Variants in UBE2W observed in about 807,000 individuals in gnomAD.
The protein encoded by UBE2W is ubiquitin-conjugating enzyme E2 W.
UBE2W carries 18 observed loss-of-function variants against 27.2 expected under a neutral mutation model. The ratio of observed to expected loss-of-function variants is 0.66; its 90% CI spans 0.46 to 0.98. The LOEUF (loss-of-function observed/expected upper bound fraction) is 0.98, where lower values mean the gene tolerates loss of function less well. UBE2W is among the 50% of genes least tolerant of loss of function. The pLI is 0.00. For synonymous variants in UBE2W, 53 were observed against 57.2 expected, an observed-to-expected ratio of 0.93 and a Z score of 0.33; for missense variants, 90 against 180.2, an observed-to-expected ratio of 0.50 and a Z score of 2.87.
intron 5 of UBE2W, among the ~76,000 whole-genome samples, chr8:73,795,175 A>ACTGT (rs3032968): frequency 0.98 from 149,224 of 152,228 alleles, 73,145 homozygotes; most frequent in East Asian, 1. Flanking sequence ...TATTTTACAG[A>ACTGT]CTGATATGGT....
intron 1 of UBE2W, among the ~76,000 whole-genome samples, chr8:73,856,214 C>T (rs1019321685): frequency 6.6e-6 from 1 of 152,072 alleles, no homozygotes; most frequent in Non-Finnish European, 1.5e-5. Context: ...GTCATCATTA[C>T]CTTGTATCTT....
chr8:73,835,994 A>C (rs1810295423), intron 1 of UBE2W, among the ~76,000 whole-genome samples: 1 of 152,336 alleles, frequency 6.6e-6, no homozygotes, highest in South Asian at 2.1e-4. Context: ...AGGGACCCTA[A>C]GCCAGAATCA....
chr8:73,853,094 GA>G (rs1811145410), intron 1 of UBE2W, among the ~76,000 whole-genome samples: 1 of 152,152 alleles, frequency 6.6e-6, no homozygotes, highest in South Asian at 2.1e-4. Flanking sequence ...GTGCCTATAA[GA>G]AGGCAGAGAG....
chr8:73,806,668 C>T (rs1186122873), intron 4 of UBE2W, among the ~76,000 whole-genome samples: 2 of 149,846 alleles, frequency 1.3e-5, no homozygotes, highest in African/African-American at 4.9e-5. Flanking sequence ...GCCGAGATTG[C>T]GCCACTGCAC....
At chr8:73,796,353 G>C (rs1808420960) in intron 5 of UBE2W, among the ~76,000 whole-genome samples, 1 of 152,052 alleles carries the variant, frequency 6.6e-6, no homozygotes, top group South Asian at 2.1e-4. Context: ...TATACAATAA[G>C]AAAAGTGACA....
In UBE2W at chr8:73,788,610, TTG is replaced by T; in HGVS notation, c.*5490_*5491del. The T allele has an allele frequency of 1.0e-6, 1 of 985,450 alleles. No homozygotes were observed. The highest frequency in any genetic ancestry group is 1.2e-6 in the Non-Finnish European group (1 of 829,944). The allele number at this position is 985,450 out of a possible 1,614,324, so 61.0% of individuals were successfully genotyped here. A position where few individuals can be genotyped will look rare whatever the true frequency, so the allele number is the denominator to read the frequency against. On this transcript the variant is annotated 3_prime_UTR_variant, in exon 6 of 6. Coordinates refer to ENST00000602593, the MANE Select transcript of UBE2W (RefSeq NM_018299.6). ...CTTATGGTAGATTTCAGGCTTTAAA[TTG>T]TAAGTTTCAGGCTTCAAAAGAGGCA...
chr8:73,810,817 G>A (rs954253664), intron 3 of UBE2W, among the ~76,000 whole-genome samples, 188 bp from the exon 4 acceptor site: 5 of 152,106 alleles, frequency 3.3e-5, no homozygotes, highest in African/African-American at 4.8e-5. Flanking sequence ...TTCACTGAAC[G>A]AATAACCACA....
At chr8:73,819,129 C>A (rs887289859) in intron 3 of UBE2W, among the ~76,000 whole-genome samples, 1 of 152,174 alleles carries the variant, frequency 6.6e-6, no homozygotes, top group South Asian at 2.1e-4. Flanking sequence ...TACTCCTGCA[C>A]ATCTTTCAGA....
At chr8:73,867,312 G>A (rs966895157) in intron 1 of UBE2W, among the ~76,000 whole-genome samples, 2 of 152,054 alleles carry the variant, frequency 1.3e-5, no homozygotes, top group Non-Finnish European at 1.5e-5. Flanking sequence ...TGAGGCGGAC[G>A]GATCACAAGC....
chr8:73,824,138 G>C (rs989696621), intron 3 of UBE2W, among the ~76,000 whole-genome samples: 3 of 152,134 alleles, frequency 2.0e-5, no homozygotes, highest in African/African-American at 7.2e-5. Context: ...ATAATTCTCT[G>C]AAGAATAAGT....
At position 73,787,698 on chromosome 8, in the gene UBE2W, G is replaced by C. The variant is rs1808014923; in HGVS notation, c.*6404C>G. On this transcript the variant is annotated 3_prime_UTR_variant, in exon 6 of 6. Coordinates refer to ENST00000602593, the MANE Select transcript of UBE2W (RefSeq NM_018299.6). ...TTGTGGTTATTTCTTTCCTCTTCTTGCAGCTTCAAGAGTCACTCATTTAAG... is the reference window on the plus strand; with the variant it reads ...TTGTGGTTATTTCTTTCCTCTTCTTCCAGCTTCAAGAGTCACTCATTTAAG... 1.0e-6 allele frequency: 1 copy of C among 985,366 alleles called. No homozygotes were observed. Among genetic ancestry groups the C allele is most frequent in the Non-Finnish European group, 1.2e-6 (1 of 829,924 alleles). 61.0% of individuals were successfully genotyped at this position (985,366 alleles called of 1,614,324 possible).
At chr8:73,831,982 G>GA (rs1810084562) in intron 1 of UBE2W, 1 of 151,960 alleles carries the variant, frequency 6.6e-6, no homozygotes, top group African/African-American at 2.4e-5. Flanking sequence ...ATGAAGGAAA[G>GA]AAAGTAGGCT....
intron 1 of UBE2W, chr8:73,870,320 A>G (rs1228596114): frequency 5.7e-6 from 9 of 1,570,934 alleles, no homozygotes; most frequent in Non-Finnish European, 7.8e-6. Flanking sequence ...ACAAAGAAAG[A>G]CCTCATGTAA....
rs1808656770 is a variant in UBE2W, at chr8:73,801,791, A to G, written c.442+3860T>C. 2.0e-5 allele frequency among the ~76,000 whole-genome samples: 3 copies of G among 152,238 alleles called. No homozygotes were observed. In the South Asian group the frequency reaches 6.2e-4, roughly 31 times the overall value. On this transcript the variant is annotated intron_variant, in intron 5 of 5. Coordinates refer to ENST00000602593, the MANE Select transcript of UBE2W (RefSeq NM_018299.6). Reference sequence around the variant, plus strand: ...ATTAGGCCTGTTAATTAATGAGTCTATTTGGAAACCTTGTCAAATAATCTC... The same window carrying G: ...ATTAGGCCTGTTAATTAATGAGTCTGTTTGGAAACCTTGTCAAATAATCTC...
At chr8:73,805,568 TTC>T (rs1201017639) in intron 5 of UBE2W, 81 bp downstream of exon 5, 7 of 760,968 alleles carry the variant, frequency 9.2e-6, no homozygotes, top group Non-Finnish European at 1.1e-5. Flanking sequence ...ATAGCTTCTC[TTC>T]TTTTTCCCAA....
Position 73,816,424 on chromosome 8 carries a change from C to G in UBE2W, c.211-5795G>C, listed in dbSNP as rs1586471004. Among the ~76,000 whole-genome samples the G allele has an allele frequency of 2.0e-5, 3 of 151,954 alleles. No homozygotes were observed. The East Asian group carries it at 5.8e-4, about 29-fold the overall frequency. On this transcript the variant is annotated intron_variant, in intron 3 of 5. Transcript: ENST00000602593. ...CATGAAAGAGGATGGAAAATCAGAC[C>G]AGGAAAAAAAGACAAGATGAGGACA...
chr8:73,784,461 C>T (rs1435131116), downstream of UBE2W, among the ~76,000 whole-genome samples: 1 of 152,208 alleles, frequency 6.6e-6, no homozygotes, highest in Non-Finnish European at 1.5e-5. Flanking sequence ...TCATGTCAAA[C>T]TCCTCTAATG....
chr8:73,866,287 AAAAATATATATAT>A (rs1381537570), intron 1 of UBE2W, among the ~76,000 whole-genome samples: 482 of 103,878 alleles, frequency 4.6e-3, no homozygotes, highest in African/African-American at 0.02. Flanking sequence ...AAAAAAAAAA[AAAAATATATATAT>A]ATATATATAT....
intron 1 of UBE2W, among the ~76,000 whole-genome samples, chr8:73,860,901 A>G (rs1258719216): frequency 2.6e-5 from 4 of 152,100 alleles, no homozygotes; most frequent in African/African-American, 9.7e-5. Flanking sequence ...TCAGGAGGCC[A>G]AGGGAGGAGG....
Sources: gnomAD v4.1 joint callset for allele counts (sites outside exome capture counted in the v4.1 genomes callset) on GRCh38, gnomAD v4.1.1 for gene constraint, MANE v1.5 for transcripts, NCBI Gene and HGNC (gene_info 2026-07-23, HGNC 2026-07-21) for gene names.